BCAR3: variants seen among roughly 807,000 people sequenced by gnomAD.
The protein encoded by BCAR3 is breast cancer anti-estrogen resistance protein 3.
BCAR3 carries 37 observed loss-of-function variants against 80.1 expected under a neutral mutation model. The ratio of observed to expected loss-of-function variants is 0.46; its 90% CI spans 0.36 to 0.61. The LOEUF is 0.61. Ranked by LOEUF, BCAR3 falls within the 20% of genes least tolerant of loss-of-function variation. BCAR3 has a pLI of 0.00. For missense variants in BCAR3, 978 were observed against 1,068.2 expected (o/e 0.92, Z 1.18); for synonymous variants, 389 against 418.9 (o/e 0.93, Z 0.87).
rs376155395 is a variant in BCAR3 at position 93,719,373 on chromosome 1, A to G, written c.-62-13231T>C. The stretch of plus-strand genomic sequence containing the variant: ...TTTTTTTTTTTTGAGACAGAGTCTC[A>G]CTCTGTTGCCAGGCTGGAGTGCAGT... On this transcript the variant is annotated intron_variant, in intron 2 of 13. Transcript: ENST00000370244. Among the ~76,000 whole-genome samples, 188 of 108,814 alleles carry G rather than the reference A, an allele frequency of 1.7e-3. 1 individual carries two copies. Among genetic ancestry groups the G allele is most frequent in the African/African-American group, 6.7e-3 (180 of 26,802 alleles). The allele number at this position is 108,814 out of a possible 152,430, so 71.4% of individuals were successfully genotyped here. A position where few individuals can be genotyped will look rare whatever the true frequency, so the allele number is the denominator to read the frequency against.
intron 2 of BCAR3, among the ~76,000 whole-genome samples, chr1:93,767,823 T>C (rs1009716644): frequency 1.2e-4 from 18 of 149,308 alleles, no homozygotes; most frequent in Admixed American, 9.5e-4. Flanking sequence ...AAACAGAAAA[T>C]GGGTTAAGTG....
At chr1:93,743,912 C>T (rs1211909190) in intron 2 of BCAR3, among the ~76,000 whole-genome samples, 2 of 152,156 alleles carry the variant, frequency 1.3e-5, no homozygotes, top group East Asian at 1.9e-4. Flanking sequence ...TATGATATCA[C>T]GATGTCACAT....
At chr1:93,574,284 GGGTGA>G (rs1474688773) in intron 8 of BCAR3, among the ~76,000 whole-genome samples, 1 of 152,214 alleles carries the variant, frequency 6.6e-6, no homozygotes, top group African/African-American at 2.4e-5. Context: ...TGCCTGGAAT[GGGTGA>G]GGTGGTAAAT....
At chr1:93,799,326 T>TAAC (rs1183542945) in intron 2 of BCAR3, among the ~76,000 whole-genome samples, 32 of 152,226 alleles carry the variant, frequency 2.1e-4, no homozygotes, top group Non-Finnish European at 4.3e-4. Flanking sequence ...AGATTTTCCT[T>TAAC]TATTTACTGA....
chr1:93,641,549 C>T lies in BCAR3; in HGVS notation c.357+755G>A, dbSNP rs138194192. 4.6e-3 allele frequency among the ~76,000 whole-genome samples: 702 copies of T among 152,356 alleles called. 11 individuals are homozygous for T. The highest frequency in any genetic ancestry group is 0.016 in the African/African-American group (677 of 41,590). ...AAAGAAAATAAAGCAAACAGCAACACTGGAAAATGCGGAGGCAGAGGGAAG... is the reference window on the plus strand; with the variant it reads ...AAAGAAAATAAAGCAAACAGCAACATTGGAAAATGCGGAGGCAGAGGGAAG... On this transcript the variant is annotated intron_variant, in intron 3 of 11. Transcript: ENST00000260502.
intron 7 of BCAR3, among the ~76,000 whole-genome samples, chr1:93,577,793 G>A (rs774488582): frequency 6.6e-6 from 1 of 152,182 alleles, no homozygotes. Context: ...TCTGGGTGGC[G>A]AGATTAAAAG....
At chr1:93,763,137 C>T (rs965722863) in intron 2 of BCAR3, among the ~76,000 whole-genome samples, 3 of 152,200 alleles carry the variant, frequency 2.0e-5, no homozygotes, top group African/African-American at 2.4e-5. Context: ...GAACACAGCT[C>T]ACTGTAACCT....
chr1:93,577,850 G>A (rs570375274), intron 7 of BCAR3, among the ~76,000 whole-genome samples: 28 of 152,160 alleles, frequency 1.8e-4, no homozygotes, highest in African/African-American at 6.3e-4. Flanking sequence ...GCAGATGGGC[G>A]GCGGCCCCTG....
At position 93,569,012 on chromosome 1, in the gene BCAR3, C is replaced by T. The variant is rs574100428; in HGVS notation, c.1975-1161G>A. Among the ~76,000 whole-genome samples the T allele has an allele frequency of 2.6e-5, 4 of 152,252 alleles. No homozygotes were observed. In the East Asian group the frequency reaches 5.8e-4, roughly 22 times the overall value. ...CTCATTTCTTTTCTTCTGCAGGTAACTCAGGGCCTCAATTTTCTTTTGGAA... is the reference window on the plus strand; with the variant it reads ...CTCATTTCTTTTCTTCTGCAGGTAATTCAGGGCCTCAATTTTCTTTTGGAA... On this transcript the variant is annotated intron_variant, in intron 9 of 11. Coordinates refer to ENST00000260502, the MANE Select transcript of BCAR3 (RefSeq NM_003567.4).
intron 2 of BCAR3, among the ~76,000 whole-genome samples, chr1:93,744,344 T>C (rs2100699798): frequency 6.6e-6 from 1 of 152,200 alleles, no homozygotes; most frequent in East Asian, 1.9e-4. Flanking sequence ...TCAACAGGGG[T>C]AAATACCCAT....
upstream of BCAR3, among the ~76,000 whole-genome samples, chr1:93,682,830 G>A (rs998665004): frequency 6.6e-6 from 1 of 152,142 alleles, no homozygotes; most frequent in African/African-American, 2.4e-5. Context: ...TGGGATTACA[G>A]GTGTGAGCCA....
intron 1 of BCAR3, among the ~76,000 whole-genome samples, chr1:93,846,292 G>A (rs1030568151): frequency 1.3e-5 from 2 of 152,212 alleles, no homozygotes; most frequent in Non-Finnish European, 2.9e-5. Flanking sequence ...GGTGGGCCGC[G>A]GCTGGCGGGT....
intron 2 of BCAR3, among the ~76,000 whole-genome samples, chr1:93,785,969 G>A (rs967712550): frequency 3.5e-5 from 4 of 115,408 alleles, no homozygotes; most frequent in Non-Finnish European, 5.0e-5. Flanking sequence ...CGAGGCGGGC[G>A]GATCATGAGG....
chr1:93,807,615 G>A (rs1025432083), intron 2 of BCAR3, among the ~76,000 whole-genome samples: 2 of 152,206 alleles, frequency 1.3e-5, no homozygotes, highest in Non-Finnish European at 2.9e-5. Context: ...TAGATTAATA[G>A]TCTGTGTGGG....
At chr1:93,841,366 T>C (rs188885015) in intron 2 of BCAR3, among the ~76,000 whole-genome samples, 1 of 152,244 alleles carries the variant, frequency 6.6e-6, no homozygotes, top group African/African-American at 2.4e-5. Context: ...CTAGTCTCAA[T>C]GCTTAAATGA....
intron 3 of BCAR3, among the ~76,000 whole-genome samples, chr1:93,621,264 G>C (rs755740998): frequency 2.6e-5 from 4 of 152,252 alleles, no homozygotes; most frequent in South Asian, 2.1e-4. Flanking sequence ...TGACGTACTG[G>C]ATAATTCTGT....
intron 2 of BCAR3, among the ~76,000 whole-genome samples, chr1:93,807,425 G>C (rs1268865499): frequency 6.6e-6 from 1 of 152,130 alleles, no homozygotes; most frequent in Non-Finnish European, 1.5e-5. Context: ...ATGGGTGTGG[G>C]AGTAAATGAT....
chr1:93,722,822 A>C (rs1650449012), intron 2 of BCAR3, among the ~76,000 whole-genome samples: 2 of 152,222 alleles, frequency 1.3e-5, no homozygotes, highest in African/African-American at 4.8e-5. Flanking sequence ...TCCTCTTTGC[A>C]GGAGCCAAGG....
Position 93,785,678 on chromosome 1 carries a change from A to G in BCAR3, c.-63+59889T>C, listed in dbSNP as rs1652911725. ...ATGCTTTTAAGAAAAACCCACAGAT[A>G]TAATACAAAATAGGTCAGGGTCTGG... is the stretch of plus-strand genomic sequence containing the variant. On this transcript the variant is annotated intron_variant, in intron 2 of 13. Transcript: ENST00000370244. 1.3e-5 allele frequency among the ~76,000 whole-genome samples: 2 copies of G among 152,250 alleles called. 1 individual carries two copies. The highest frequency in any genetic ancestry group is 4.1e-4 in the South Asian group (2 of 4,834).
Sources: gnomAD v4.1 joint callset for allele counts (sites outside exome capture counted in the v4.1 genomes callset) on GRCh38, gnomAD v4.1.1 for gene constraint, MANE v1.5 for transcripts, NCBI Gene and HGNC (gene_info 2026-07-23, HGNC 2026-07-21) for gene names.